Variants in ITGA9 observed in about 807,000 individuals in gnomAD.
The protein encoded by ITGA9 is integrin subunit alpha 9.
Under a neutral mutation model 127.8 loss-of-function variants are expected in ITGA9, and 56 were observed. The ratio of observed to expected loss-of-function variants is 0.44; its 90% CI spans 0.35 to 0.55. The LOEUF is 0.55. Among genes scored for constraint, ITGA9 ranks in the 20% least tolerant of loss-of-function variants. ITGA9 has a pLI of 0.00. For synonymous variants in ITGA9, 508 were observed against 514.5 expected, an observed-to-expected ratio of 0.99 and a Z score of 0.17; for missense variants, 1,196 against 1,347.1, an observed-to-expected ratio of 0.89 and a Z score of 1.76.
chr3:37,818,899 C>T lies in ITGA9; in HGVS notation c.3018C>T (p.Phe1006=). 3.1e-6 allele frequency: 5 copies of T among 1,613,636 alleles called. No homozygotes were observed. Among genetic ancestry groups the T allele is most frequent in the Non-Finnish European group, 4.2e-6 (5 of 1,179,556 alleles). The change falls in exon 28 of 28, where the codon TTC becomes TTT. Residue 1006 remains phenylalanine (F), a synonymous_variant. Coordinates refer to ENST00000264741, the MANE Select transcript of ITGA9 (RefSeq NM_002207.3). ...LLAVLLWKMG[F]FRRRYKEIIE... ...TTCTTTCTGCCTTTCAGATGGGCTT[C>T]TTTCGCCGAAGGTACAAAGAAATTA...
chr3:37,485,697 T>C (rs61227528), intron 4 of ITGA9, among the ~76,000 whole-genome samples: 10,479 of 152,196 alleles, frequency 0.069, 555 homozygotes, highest in African/African-American at 0.15. Context: ...TTTGAATTCT[T>C]AAAAAATTGG....
intron 18 of ITGA9, among the ~76,000 whole-genome samples, chr3:37,705,171 G>A (rs1241092067): frequency 6.6e-6 from 1 of 152,176 alleles, no homozygotes; most frequent in East Asian, 1.9e-4. Flanking sequence ...GTGTTAACAG[G>A]TATTAAGTAT....
intron 18 of ITGA9, among the ~76,000 whole-genome samples, chr3:37,720,366 A>C (rs1701178669): frequency 6.6e-6 from 1 of 152,186 alleles, no homozygotes; most frequent in South Asian, 2.1e-4. Context: ...CATGAGGTTA[A>C]ATTCTTTCCT....
chr3:37,810,873 T>C (rs1397124785), intron 27 of ITGA9, among the ~76,000 whole-genome samples: 4 of 152,246 alleles, frequency 2.6e-5, no homozygotes, highest in African/African-American at 9.6e-5. Flanking sequence ...AAAGCCCTTA[T>C]CGTGTCAGCA....
At chr3:37,699,926 A>T (rs181730120) in intron 18 of ITGA9, among the ~76,000 whole-genome samples, 2 of 152,062 alleles carry the variant, frequency 1.3e-5, no homozygotes, top group Admixed American at 6.5e-5. Context: ...CAAACACCCT[A>T]TCTGTCCTCT....
intron 5 of ITGA9, among the ~76,000 whole-genome samples, chr3:37,496,376 G>A (rs547565821): frequency 1.7e-4 from 26 of 152,200 alleles, no homozygotes; most frequent in African/African-American, 4.1e-4. Flanking sequence ...CATTGAGGCC[G>A]AATTTAAAGA....
At chr3:37,467,163 C>T (rs950738011) in intron 1 of ITGA9, among the ~76,000 whole-genome samples, 1 of 152,310 alleles carries the variant, frequency 6.6e-6, no homozygotes, top group Admixed American at 6.5e-5. Flanking sequence ...CACATAGATA[C>T]AAGCACATTC....
At position 37,473,632 on chromosome 3, in the gene ITGA9, A is replaced by G. The variant is rs1698460849; in HGVS notation, c.420+172A>G. Among the ~76,000 whole-genome samples, 5 of 152,372 alleles carry G rather than the reference A, an allele frequency of 3.3e-5. No homozygotes were observed. The South Asian group carries it at 1.0e-3, about 32-fold the overall frequency. On this transcript the variant is annotated intron_variant, in intron 3 of 27. Coordinates refer to ENST00000264741, the MANE Select transcript of ITGA9 (RefSeq NM_002207.3). ...TATTTTCTTTATCTGTCAAATGTGA[A>G]TAATGTCTGTCCCAAGGTGCTGAGA...
chr3:37,713,758 C>A (rs764746966), intron 18 of ITGA9, among the ~76,000 whole-genome samples: 1 of 152,204 alleles, frequency 6.6e-6, no homozygotes, highest in Non-Finnish European at 1.5e-5. Context: ...TGCTGCCTGC[C>A]AGCAAGGGTC....
chr3:37,647,169 C>T (rs551097666), intron 16 of ITGA9, among the ~76,000 whole-genome samples: 1 of 151,966 alleles, frequency 6.6e-6, no homozygotes, highest in South Asian at 2.1e-4. Flanking sequence ...GAAGGTCTTA[C>T]CTAAGCCAAG....
chr3:37,529,436 A>G (rs1000063263), intron 13 of ITGA9, among the ~76,000 whole-genome samples: 1 of 151,842 alleles, frequency 6.6e-6, no homozygotes, highest in Non-Finnish European at 1.5e-5. Flanking sequence ...GGCTCTAGAG[A>G]AGTGATGGGG....
intron 27 of ITGA9, among the ~76,000 whole-genome samples, chr3:37,809,627 A>AT (rs1202784991): frequency 6.6e-6 from 1 of 151,266 alleles, no homozygotes; most frequent in Non-Finnish European, 1.5e-5. Context: ...AGGGAAAAAA[A>AT]TTTTTTTTTC....
chr3:37,595,351 A>G (rs1699859458), intron 15 of ITGA9, among the ~76,000 whole-genome samples: 1 of 152,176 alleles, frequency 6.6e-6, no homozygotes, highest in African/African-American at 2.4e-5. Context: ...AAGGCCACAC[A>G]AGGAAGAAGT....
chr3:37,494,564 C>T lies in ITGA9; in HGVS notation c.608C>T (p.Thr203Ile). The change falls in exon 5 of 28, where the codon ACC (threonine) becomes ATC (isoleucine). Residue 203 changes from threonine (T) to isoleucine (I), a missense_variant. Physicochemically the swap from Thr to Ile is moderately conservative, Grantham distance 89. Coordinates refer to ENST00000264741, the MANE Select transcript of ITGA9 (RefSeq NM_002207.3). ...CAGGCTGGGATAGCGGGCTTCTTCACCGAGGTGGGTGTCTGCTGTCTGGGC... is the reference window on the plus strand; with the variant it reads ...CAGGCTGGGATAGCGGGCTTCTTCATCGAGGTGGGTGTCTGCTGTCTGGGC... ...SCQAGIAGFF[T>I]EELVVMGAPG... is the part of the protein sequence containing the mutation. 1 of 1,613,070 alleles carries T rather than the reference C, an allele frequency of 6.2e-7. No individual in the cohort carries two copies. Among genetic ancestry groups the T allele is most frequent in the Admixed American group, 1.7e-5 (1 of 60,020 alleles).
intron 18 of ITGA9, among the ~76,000 whole-genome samples, chr3:37,697,786 C>T (rs1700901148): frequency 6.6e-6 from 1 of 152,172 alleles, no homozygotes; most frequent in African/African-American, 2.4e-5. Context: ...AATAGTGCTG[C>T]AATAAACATA....
rs540168292 is a variant in ITGA9, at chr3:37,625,172, C to A, written c.1690-4015C>A. Among the ~76,000 whole-genome samples the A allele has an allele frequency of 2.6e-5, 4 of 152,276 alleles. No homozygotes were observed. In the East Asian group the frequency reaches 7.7e-4, roughly 29 times the overall value. Reference sequence around the variant, plus strand: ...GATGTCCTACTGTCTTTTGACTGTGCCCAGGGGCATTTCCTCTGGGAAGCC... The same window carrying A: ...GATGTCCTACTGTCTTTTGACTGTGACCAGGGGCATTTCCTCTGGGAAGCC... On this transcript the variant is annotated intron_variant, in intron 15 of 27. Coordinates refer to ENST00000264741, the MANE Select transcript of ITGA9 (RefSeq NM_002207.3).
chr3:37,668,798 C>T (rs1420157239), intron 17 of ITGA9, among the ~76,000 whole-genome samples: 7 of 152,356 alleles, frequency 4.6e-5, no homozygotes, highest in Middle Eastern at 3.4e-3. Context: ...GAAGGCTGCC[C>T]TGTGGCTCTT....
At chr3:37,507,847 G>A (rs1485111401) in intron 7 of ITGA9, among the ~76,000 whole-genome samples, 1 of 152,042 alleles carries the variant, frequency 6.6e-6, no homozygotes, top group Non-Finnish European at 1.5e-5. Flanking sequence ...TATTTACACT[G>A]GTTCTCATGA....
At chr3:37,675,007 A>G (rs1041579722) in intron 17 of ITGA9, among the ~76,000 whole-genome samples, 1 of 152,216 alleles carries the variant, frequency 6.6e-6, no homozygotes, top group African/African-American at 2.4e-5. Flanking sequence ...GGCCTCACTC[A>G]CTGGACCATT....
Sources: gnomAD v4.1 joint callset for allele counts (sites outside exome capture counted in the v4.1 genomes callset) on GRCh38, gnomAD v4.1.1 for gene constraint, MANE v1.5 for transcripts, NCBI Gene and HGNC (gene_info 2026-07-23, HGNC 2026-07-21) for gene names.